CTPS2: variants seen among roughly 807,000 people sequenced by gnomAD.
The protein encoded by CTPS2 is CTP synthase 2.
Under a neutral mutation model 46.8 loss-of-function variants are expected in CTPS2, and 19 were observed. That is an observed-to-expected ratio of 0.41 (90% CI 0.28 to 0.60). The LOEUF (loss-of-function observed/expected upper bound fraction) is 0.60. Ranked by LOEUF, CTPS2 falls within the 20% of genes least tolerant of loss-of-function variation. The pLI is 0.35. For synonymous variants in CTPS2, 151 were observed against 165.2 expected (o/e 0.91, Z 0.66); for missense variants, 286 against 447.6 (o/e 0.64, Z 3.26).
intron 15 of CTPS2, among the ~76,000 whole-genome samples, chrX:16,618,984 A>G (rs1467709427): frequency 8.9e-6 from 1 of 112,061 alleles, no homozygotes; most frequent in Non-Finnish European, 1.9e-5. Flanking sequence ...GGTGTGAATG[A>G]ATGAATGGCT....
chrX:16,596,121 G>A (rs773820731), intron 17 of CTPS2, among the ~76,000 whole-genome samples: 7 of 111,245 alleles, frequency 6.3e-5, no homozygotes, highest in South Asian at 3.7e-4. Context: ...CAATACTCCC[G>A]CCTCAGCCTC....
In CTPS2 at chrX:16,699,014, A is replaced by G. The variant is rs1490941888; in HGVS notation, c.246T>C (p.Leu82=). The G allele has an allele frequency of 8.4e-7, 1 of 1,190,250 alleles. No homozygotes were observed. Among genetic ancestry groups the G allele is most frequent in the Non-Finnish European group, 1.1e-6 (1 of 882,289 alleles). Residue 82 remains leucine (L), a synonymous_variant, in exon 3 of 19, where the codon CTT becomes CTC. Coordinates refer to ENST00000359276, the MANE Select transcript of CTPS2 (RefSeq NM_175859.3). ...CCGTGGTGATATTGTTGTCTTTATA[A>G]AGATTAATATCCAAAAATCTTTCAT... is the stretch of plus-strand genomic sequence containing the variant. ...GNYERFLDIN[L]YKDNNITTGK... is the part of the protein sequence containing the mutation.
intron 14 of CTPS2, 174 bp downstream of exon 14, chrX:16,638,973 A>C: frequency 1.8e-6 from 1 of 548,946 alleles, no homozygotes; most frequent in Non-Finnish European, 3.4e-6. Flanking sequence ...TAGGGAGAAG[A>C]ATGCCCAGAG....
chrX:16,633,972 T>C (rs1295617855), intron 14 of CTPS2, among the ~76,000 whole-genome samples: 1 of 112,215 alleles, frequency 8.9e-6, no homozygotes, highest in Non-Finnish European at 1.9e-5. Flanking sequence ...GGATGTTCGA[T>C]TCAGCATTTT....
intron 14 of CTPS2, among the ~76,000 whole-genome samples, chrX:16,638,320 G>A (rs1293646763): frequency 9.2e-6 from 1 of 108,384 alleles, no homozygotes; most frequent in African/African-American, 3.4e-5. Context: ...ATAATTTCAC[G>A]AAAATGACAC....
At chrX:16,623,101 AT>A (rs1036534006) in intron 14 of CTPS2, among the ~76,000 whole-genome samples, 1 of 111,500 alleles carries the variant, frequency 9.0e-6, no homozygotes, top group African/African-American at 3.3e-5. Flanking sequence ...CCCTTCAATT[AT>A]TTTTTTAAAT....
intron 16 of CTPS2, among the ~76,000 whole-genome samples, chrX:16,616,211 A>G (rs1930519663): frequency 8.9e-6 from 1 of 111,951 alleles, no homozygotes; most frequent in Non-Finnish European, 1.9e-5. Context: ...TGTCTCATCA[A>G]TAGTAAATGT....
intron 13 of CTPS2, among the ~76,000 whole-genome samples, chrX:16,656,731 T>A (rs1179571243): frequency 9.0e-6 from 1 of 110,734 alleles, no homozygotes; most frequent in African/African-American, 3.3e-5. Context: ...ACTTTCAAAG[T>A]GTAGAAAATG....
At chrX:16,674,868 G>T (rs373386167) in intron 10 of CTPS2, among the ~76,000 whole-genome samples, 15 of 110,248 alleles carry the variant, frequency 1.4e-4, no homozygotes, top group African/African-American at 4.6e-4. Flanking sequence ...TATGCGTGTG[G>T]ACATTGGCTA....
intron 11 of CTPS2, among the ~76,000 whole-genome samples, chrX:16,668,643 AGGAAGGAT>A (rs1258580448): frequency 1.0e-5 from 1 of 98,511 alleles, no homozygotes; most frequent in African/African-American, 3.7e-5. Context: ...GAAGGGAAGA[AGGAAGGAT>A]GGAAGGAAGG....
intron 16 of CTPS2, among the ~76,000 whole-genome samples, chrX:16,612,291 A>G (rs1930301689): frequency 8.9e-6 from 1 of 111,929 alleles, no homozygotes. Context: ...ATTCGTGGAT[A>G]TGTTTCCAAG....
intron 13 of CTPS2, among the ~76,000 whole-genome samples, chrX:16,664,351 C>A (rs1014581405): frequency 1.8e-5 from 2 of 111,594 alleles, no homozygotes; most frequent in Non-Finnish European, 3.8e-5. Flanking sequence ...TCATAAGGAA[C>A]CCTTCATTGG....
intron 8 of CTPS2, among the ~76,000 whole-genome samples, chrX:16,683,549 T>C (rs1193616525): frequency 8.9e-6 from 1 of 111,907 alleles, no homozygotes; most frequent in Non-Finnish European, 1.9e-5. Flanking sequence ...CAGTGAGCTA[T>C]GATCACACCA....
At chrX:16,662,001 T>TAC (rs1415928725) in intron 13 of CTPS2, among the ~76,000 whole-genome samples, 9,469 of 107,000 alleles carry the variant, frequency 0.088, 491 homozygotes, top group East Asian at 0.11. Context: ...TTCATATATA[T>TAC]ATATATATAT....
chrX:16,644,494 T>C (rs1406754296), intron 13 of CTPS2, among the ~76,000 whole-genome samples: 2 of 111,560 alleles, frequency 1.8e-5, no homozygotes, highest in Admixed American at 1.9e-4. Context: ...GGGCCCATTG[T>C]AACCACAAAG....
At chrX:16,622,217 C>A (rs896009623) in intron 14 of CTPS2, among the ~76,000 whole-genome samples, 1 of 109,378 alleles carries the variant, frequency 9.1e-6, no homozygotes, top group African/African-American at 3.3e-5. Flanking sequence ...ACCAGCCTGG[C>A]CAACATGGTG....
chrX:16,604,814 A>G (rs1399401641), intron 17 of CTPS2, among the ~76,000 whole-genome samples: 2 of 112,731 alleles, frequency 1.8e-5, no homozygotes, highest in Admixed American at 1.9e-4. Flanking sequence ...TGTCAGCAAG[A>G]CCATGCAAAT....
At chrX:16,642,329 G>A (rs1417521099) in intron 13 of CTPS2, among the ~76,000 whole-genome samples, 1 of 111,909 alleles carries the variant, frequency 8.9e-6, no homozygotes, top group Non-Finnish European at 1.9e-5. Context: ...AAATGCTAGA[G>A]AAGAGGTGGG....
intron 14 of CTPS2, among the ~76,000 whole-genome samples, chrX:16,634,794 A>C (rs1001807162): frequency 9.0e-6 from 1 of 110,734 alleles, no homozygotes; most frequent in African/African-American, 3.3e-5. Context: ...AATAAAATAC[A>C]AAAAATTAGC....
Sources: gnomAD v4.1 joint callset for allele counts (sites outside exome capture counted in the v4.1 genomes callset) on GRCh38, gnomAD v4.1.1 for gene constraint, MANE v1.5 for transcripts, NCBI Gene and HGNC (gene_info 2026-07-23, HGNC 2026-07-21) for gene names.